The following PTPN11 variants were observed in gnomAD, a reference collection of about 807,000 sequenced individuals.
PTPN11 encodes tyrosine-protein phosphatase non-receptor type 11.
PTPN11 carries 6 observed loss-of-function variants against 78.8 expected under a neutral mutation model. That is an observed-to-expected ratio of 0.08 (90% CI 0.04 to 0.15). The LOEUF is 0.15. Ranked by LOEUF, PTPN11 falls within the 10% of genes least tolerant of loss-of-function variation. PTPN11 has a pLI of 1.00. For synonymous variants in PTPN11, 221 were observed against 263.5 expected, an observed-to-expected ratio of 0.84 and a Z score of 1.56; for missense variants, 386 against 744.8, an observed-to-expected ratio of 0.52 and a Z score of 5.61.
intron 9 of PTPN11, among the ~76,000 whole-genome samples, chr12:112,480,371 T>G (rs1183368783): frequency 2.0e-5 from 3 of 151,458 alleles, no homozygotes; most frequent in Non-Finnish European, 2.9e-5. Flanking sequence ...TCGTTCTTTT[T>G]TTTTTTTTTT....
chr12:112,448,493 A>C (rs1365679011), intron 2 of PTPN11, among the ~76,000 whole-genome samples: 1 of 152,184 alleles, frequency 6.6e-6, no homozygotes, highest in African/African-American at 2.4e-5. Flanking sequence ...CTGGGATTAT[A>C]GGCATGAGCC....
intron 6 of PTPN11, among the ~76,000 whole-genome samples, chr12:112,462,041 A>C (rs905648332): frequency 6.6e-6 from 1 of 152,200 alleles, no homozygotes; most frequent in East Asian, 1.9e-4. Flanking sequence ...TTTCAAAAAA[A>C]TCCTTCAGAG....
intron 13 of PTPN11, 59 bp from the exon 14 acceptor site, chr12:112,502,085 G>A: frequency 4.5e-6 from 6 of 1,324,134 alleles, no homozygotes; most frequent in Admixed American, 1.9e-5. Context: ...TACCTTTTTT[G>A]CTTTTTATCC....
At chr12:112,419,226 C>T in intron 1 of PTPN11, 101 bp downstream of exon 1, 1 of 1,249,880 alleles carries the variant, frequency 8.0e-7, no homozygotes, top group Non-Finnish European at 1.0e-6. Context: ...CTTCGGGCTC[C>T]CGCCCCGGGT....
In PTPN11 at chr12:112,509,500, A is replaced by C. The variant is rs1296343853; in HGVS notation, c.*3708A>C. 1 of 152,618 alleles carries C rather than the reference A, an allele frequency of 6.6e-6. No homozygotes were observed. The highest frequency in any genetic ancestry group is 2.4e-5 in the African/African-American group (1 of 41,456). 9.5% of individuals were successfully genotyped at this position (152,618 alleles called of 1,614,324 possible). ...AAGCTGATGACTAGACCTACAATTA[A>C]TTTTCCTGCAGTATATGAAGTATTG... On this transcript the variant is annotated 3_prime_UTR_variant, in exon 16 of 16. Coordinates refer to ENST00000351677, the MANE Select transcript of PTPN11 (RefSeq NM_002834.5).
chr12:112,484,533 C>T (rs56768778), intron 10 of PTPN11, among the ~76,000 whole-genome samples: 15,614 of 151,966 alleles, frequency 0.1, 927 homozygotes, highest in East Asian at 0.23. Flanking sequence ...AGGGAGGGCT[C>T]AGTGGTCTGG....
intron 6 of PTPN11, chr12:112,457,534 G>C (rs1374238393): frequency 6.5e-6 from 1 of 153,872 alleles, no homozygotes; most frequent in East Asian, 1.9e-4. Flanking sequence ...TATATACCCA[G>C]TAATGGGATT....
chr12:112,467,738 G>A (rs528155485), intron 6 of PTPN11, among the ~76,000 whole-genome samples: 4 of 152,040 alleles, frequency 2.6e-5, no homozygotes, highest in Non-Finnish European at 5.9e-5. Context: ...CAAGTAATCC[G>A]CCTGCCTCGG....
intron 13 of PTPN11, among the ~76,000 whole-genome samples, chr12:112,495,015 T>A (rs563105967): frequency 1.3e-5 from 2 of 152,288 alleles, no homozygotes; most frequent in South Asian, 4.1e-4. Flanking sequence ...CATTTTCGAC[T>A]AGTGATATTT....
At chr12:112,464,998 T>A (rs982651985) in intron 6 of PTPN11, among the ~76,000 whole-genome samples, 8 of 152,246 alleles carry the variant, frequency 5.3e-5, no homozygotes, top group African/African-American at 1.9e-4. Context: ...AAAGTAAAGT[T>A]CTGCTCAAAT....
chr12:112,443,809 T>C (rs1026781342), intron 1 of PTPN11, among the ~76,000 whole-genome samples: 2 of 151,826 alleles, frequency 1.3e-5, no homozygotes, highest in Non-Finnish European at 2.9e-5. Context: ...CACACCACCA[T>C]GCATGGCTAA....
At chr12:112,477,766 C>T (rs2038529893) in intron 8 of PTPN11, 36 bp downstream of exon 8, 4 of 1,603,986 alleles carry the variant, frequency 2.5e-6, no homozygotes, top group Non-Finnish European at 3.4e-6. Context: ...TCTGACCATA[C>T]ATTTCTAGCC....
At chr12:112,461,184 A>G (rs918560395) in intron 6 of PTPN11, among the ~76,000 whole-genome samples, 3 of 152,052 alleles carry the variant, frequency 2.0e-5, no homozygotes, top group Admixed American at 1.3e-4. Flanking sequence ...GATCATTATT[A>G]CTTAGATCCA....
intron 6 of PTPN11, among the ~76,000 whole-genome samples, chr12:112,470,905 T>A (rs2038405023): frequency 6.6e-6 from 1 of 152,216 alleles, no homozygotes; most frequent in African/African-American, 2.4e-5. Flanking sequence ...AACACAGCAG[T>A]ATTGCTTGGT....
Position 112,507,026 on chromosome 12 carries a change from C to T in PTPN11, c.*1234C>T. 9.6e-6 allele frequency: 2 copies of T among 207,874 alleles called. No individual in the cohort carries two copies. Among genetic ancestry groups the T allele is most frequent in the Non-Finnish European group, 1.9e-5 (2 of 102,664 alleles). The allele number at this position is 207,874 out of a possible 1,614,324, so 12.9% of individuals were successfully genotyped here. Reference sequence around the variant, plus strand: ...CTAATCAGAAGAAAGCTGGGGTATGCCCTCTACTTACTAAACAAGTCACAA... The same window carrying T: ...CTAATCAGAAGAAAGCTGGGGTATGTCCTCTACTTACTAAACAAGTCACAA... On this transcript the variant is annotated 3_prime_UTR_variant, in exon 16 of 16. Coordinates refer to ENST00000351677, the MANE Select transcript of PTPN11 (RefSeq NM_002834.5).
intron 14 of PTPN11, among the ~76,000 whole-genome samples, chr12:112,503,017 G>A (rs146043475): frequency 1.3e-5 from 2 of 152,282 alleles, no homozygotes; most frequent in African/African-American, 4.8e-5. Flanking sequence ...ATCTACTTTG[G>A]GTGTTTAAAC....
chr12:112,502,088 T>C, intron 13 of PTPN11, 56 bp from the exon 14 acceptor site: 2 of 1,420,580 alleles, frequency 1.4e-6, no homozygotes. Context: ...CTTTTTTGCT[T>C]TTTATCCCCT....
At chr12:112,470,362 A>G (rs1359804894) in intron 6 of PTPN11, among the ~76,000 whole-genome samples, 1 of 152,204 alleles carries the variant, frequency 6.6e-6, no homozygotes, top group Admixed American at 6.5e-5. Flanking sequence ...AGTGATGTAC[A>G]TGCATCTCAT....
At chr12:112,457,208 C>A in intron 6 of PTPN11, 2 of 389,994 alleles carry the variant, frequency 5.1e-6, no homozygotes. Flanking sequence ...CAGGAGTTTG[C>A]CCCCATCCCC....
Sources: gnomAD v4.1 joint callset for allele counts (sites outside exome capture counted in the v4.1 genomes callset) on GRCh38, gnomAD v4.1.1 for gene constraint, MANE v1.5 for transcripts, NCBI Gene and HGNC (gene_info 2026-07-23, HGNC 2026-07-21) for gene names.